OTUD5: variants seen among roughly 807,000 people sequenced by gnomAD.
The protein encoded by OTUD5 is OTU deubiquitinase 5.
A neutral mutation model predicts 36.3 loss-of-function variants in OTUD5; 2 were observed. That is an observed-to-expected ratio of 0.06 (90% CI 0.02 to 0.17). OTUD5 has a LOEUF of 0.17. Among genes scored for constraint, OTUD5 ranks in the 10% least tolerant of loss-of-function variants. The pLI is 1.00. For synonymous variants in OTUD5, 234 were observed against 214.9 expected (o/e 1.09, Z -0.78); for missense variants, 233 against 512.3 (o/e 0.45, Z 5.26).
rs1475092896 is a variant in OTUD5 at position 48,942,280 on chromosome X, C to CACACACAG, written c.688+1909_688+1910insCTGTGTGT. Among the ~76,000 whole-genome samples the CACACACAG allele has an allele frequency of 4.2e-4, 38 of 91,129 alleles. 1 individual carries two copies. Among genetic ancestry groups the CACACACAG allele is most frequent in the Non-Finnish European group, 6.0e-4 (28 of 46,794 alleles). 79.1% of individuals were successfully genotyped at this position (91,129 alleles called of 115,157 possible). ...ACACACACACACACACACACACACA[C>CACACACAG]AGAGAACAGCTAGCTAGATACACAC... On this transcript the variant is annotated intron_variant, in intron 2 of 8. Coordinates refer to ENST00000376488, the MANE Select transcript of OTUD5 (RefSeq NM_001136157.2).
intron 1 of OTUD5, among the ~76,000 whole-genome samples, chrX:48,950,976 A>G (rs782617426): frequency 9.0e-6 from 1 of 110,942 alleles, no homozygotes; most frequent in African/African-American, 3.3e-5. Flanking sequence ...AGTGCCTCAC[A>G]GGTGTGAGAC....
chrX:48,940,301 G>A (rs182720666), intron 2 of OTUD5: 183 of 113,946 alleles, frequency 1.6e-3, no homozygotes, highest in African/African-American at 5.0e-3. Context: ...AAGGAAGCTG[G>A]TGTACAGGAA....
At position 48,922,879 on chromosome X, in the gene OTUD5, T is replaced by C. The variant is rs781941979; in HGVS notation, c.*295A>G. On this transcript the variant is annotated 3_prime_UTR_variant, in exon 9 of 9. Coordinates refer to ENST00000376488, the MANE Select transcript of OTUD5 (RefSeq NM_001136157.2). ...CAGTTGGTCTGTCTCTGTGTGCCTC[T>C]TGTCTATCTTCGGCACCCTTGCCCG... 13 of 917,652 alleles carry C rather than the reference T, an allele frequency of 1.4e-5. No homozygotes were observed. In the African/African-American group the frequency reaches 2.7e-4, roughly 19 times the overall value. The allele number at this position is 917,652 out of a possible 1,213,427, so 75.6% of individuals were successfully genotyped here. A position where few individuals can be genotyped will look rare whatever the true frequency, so the allele number is the denominator to read the frequency against.
At chrX:48,956,910 T>C in intron 1 of OTUD5, 67 bp downstream of exon 1, 1 of 1,036,531 alleles carries the variant, frequency 9.6e-7, no homozygotes, top group Non-Finnish European at 1.3e-6. Context: ...CAGCCTTCCT[T>C]GAGTCCCTTC....
In OTUD5 at chrX:48,957,425, T is replaced by TCGCCGCCGCCCACGCCCGTGC. The variant is rs1447498742; in HGVS notation, c.125_145dup (p.Gly42_Gly48dup). 7.5e-6 allele frequency: 8 copies of TCGCCGCCGCCCACGCCCGTGC among 1,060,833 alleles called. No individual in the cohort carries two copies. Among genetic ancestry groups the TCGCCGCCGCCCACGCCCGTGC allele is most frequent in the Non-Finnish European group, 9.7e-6 (8 of 825,735 alleles). 87.4% of individuals were successfully genotyped at this position (1,060,833 alleles called of 1,213,427 possible). A position where few individuals can be genotyped will look rare whatever the true frequency, so the allele number is the denominator to read the frequency against. On this transcript the variant is annotated inframe_insertion, in exon 1 of 9. Transcript: ENST00000376488. ...CACGACGCCGGAGTCACGGTCGCGA[T>TCGCCGCCGCCCACGCCCGTGC]CGCCGCCGCCCACGCCCGTGCCGCC...
At chrX:48,934,353 C>A in intron 5 of OTUD5, 111 bp downstream of exon 5, 1 of 554,701 alleles carries the variant, frequency 1.8e-6, no homozygotes, top group Non-Finnish European at 2.9e-6. Flanking sequence ...GGTGAGACCT[C>A]AGGGGAGAGA....
At chrX:48,955,351 T>G (rs1411899015) in intron 1 of OTUD5, among the ~76,000 whole-genome samples, 1 of 111,102 alleles carries the variant, frequency 9.0e-6, no homozygotes, top group African/African-American at 3.3e-5. Context: ...CCCTTGGAGG[T>G]AGACTCAGGA....
In OTUD5 at chrX:48,957,412, G is replaced by A; in HGVS notation, c.159C>T (p.Asp53=). The A allele has an allele frequency of 9.2e-7, 1 of 1,082,518 alleles. No individual in the cohort carries two copies. Among genetic ancestry groups the A allele is most frequent in the Non-Finnish European group, 1.2e-6 (1 of 837,609 alleles). The allele number at this position is 1,082,518 out of a possible 1,213,427, so 89.2% of individuals were successfully genotyped here. Residue 53 remains aspartate (D), a synonymous_variant, in exon 1 of 9, where the codon GAC becomes GAT. Coordinates refer to ENST00000376488, the MANE Select transcript of OTUD5 (RefSeq NM_001136157.2). ...TGVGGGDRDR[D]SGVVGARPRA... is the part of the protein sequence containing the mutation. Reference sequence around the variant, plus strand: ...GCGGACGGGCCCCCACGACGCCGGAGTCACGGTCGCGATCGCCGCCGCCCA... The same window carrying A: ...GCGGACGGGCCCCCACGACGCCGGAATCACGGTCGCGATCGCCGCCGCCCA...
At chrX:48,935,571 A>G (rs1557049769) in intron 2 of OTUD5, among the ~76,000 whole-genome samples, 1 of 111,444 alleles carries the variant, frequency 9.0e-6, no homozygotes, top group East Asian at 2.8e-4. Flanking sequence ...GCCAGATACT[A>G]GAGAGTTGAG....
At chrX:48,949,649 G>A (rs896303868) in intron 1 of OTUD5, among the ~76,000 whole-genome samples, 1 of 111,307 alleles carries the variant, frequency 9.0e-6, no homozygotes, top group Non-Finnish European at 1.9e-5. Context: ...CTGCACTCCA[G>A]CCTGGGTGAC....
intron 1 of OTUD5, among the ~76,000 whole-genome samples, chrX:48,948,429 G>C (rs1213451134): frequency 8.9e-6 from 1 of 112,469 alleles, no homozygotes; most frequent in Non-Finnish European, 1.9e-5. Context: ...TTGGATACCA[G>C]CAAAGCCTAG....
chrX:48,930,824 T>C (rs1281547447), intron 5 of OTUD5, among the ~76,000 whole-genome samples: 1 of 110,447 alleles, frequency 9.1e-6, no homozygotes, highest in African/African-American at 3.3e-5. Context: ...CAGCTGGGTG[T>C]GGTGGCGCAT....
intron 2 of OTUD5, among the ~76,000 whole-genome samples, chrX:48,939,228 C>T (rs1343647319): frequency 9.0e-6 from 1 of 110,618 alleles, no homozygotes; most frequent in African/African-American, 3.3e-5. Flanking sequence ...CCCAATCCAG[C>T]CACCATCTTA....
intron 5 of OTUD5, 126 bp downstream of exon 5, chrX:48,934,338 G>A (rs1267668897): frequency 3.7e-6 from 1 of 273,806 alleles, no homozygotes; most frequent in Non-Finnish European, 5.8e-6. Context: ...TTTTTTTTTT[G>A]TAAGGGTGAG....
chrX:48,957,491 G>A lies in OTUD5; in HGVS notation c.80C>T (p.Pro27Leu). The A allele has an allele frequency of 1.2e-6, 1 of 841,485 alleles. No homozygotes were observed. Among genetic ancestry groups the A allele is most frequent in the Non-Finnish European group, 1.5e-6 (1 of 688,001 alleles). The allele number at this position is 841,485 out of a possible 1,213,427, so 69.3% of individuals were successfully genotyped here. Residue 27 changes from proline to leucine, a missense_variant, in exon 1 of 9, where the codon CCC (proline) becomes CTC (leucine). Pro to Leu is a moderately conservative substitution (Grantham distance 98). This residue lies in a region of OTUD5 where 155 missense variants were observed against 217.2 expected (regional missense o/e 0.71). Coordinates refer to ENST00000376488, the MANE Select transcript of OTUD5 (RefSeq NM_001136157.2). ...ANEPPPPGPMPPAPRRGGGVG... is the reference protein window; with the variant it reads ...ANEPPPPGPMLPAPRRGGGVG... ...ACCTCCGCCGCGCCGCGGCGCCGGGGGCATCGGCCCGGGCGGCGGCGGCTC... is the reference window on the plus strand; with the variant it reads ...ACCTCCGCCGCGCCGCGGCGCCGGGAGCATCGGCCCGGGCGGCGGCGGCTC...
intron 1 of OTUD5, among the ~76,000 whole-genome samples, chrX:48,956,751 A>G (rs782232858): frequency 9.0e-6 from 1 of 111,268 alleles, no homozygotes; most frequent in East Asian, 2.8e-4. Context: ...ACCTTAAAAG[A>G]GACCTCGGAT....
intron 5 of OTUD5, among the ~76,000 whole-genome samples, chrX:48,929,549 C>T (rs1018409083): frequency 1.9e-5 from 2 of 107,441 alleles, no homozygotes; most frequent in Non-Finnish European, 3.8e-5. Context: ...GATGAAACCC[C>T]GTCTCTACTA....
intron 1 of OTUD5, 67 bp downstream of exon 1, chrX:48,956,910 T>G: frequency 1.4e-5 from 15 of 1,036,448 alleles, no homozygotes; most frequent in Non-Finnish European, 1.9e-5. Flanking sequence ...CAGCCTTCCT[T>G]GAGTCCCTTC....
At chrX:48,954,407 G>A (rs1431935783) in intron 1 of OTUD5, among the ~76,000 whole-genome samples, 2 of 111,154 alleles carry the variant, frequency 1.8e-5, no homozygotes, top group African/African-American at 6.6e-5. Flanking sequence ...GAGTAAGGAG[G>A]TGTTTTTGAA....
Sources: allele counts gnomAD v4.1 joint callset (sites outside exome capture counted in the v4.1 genomes callset), GRCh38; gene constraint gnomAD v4.1.1; regional missense constraint gnomAD v4.1.1; transcripts MANE v1.5; gene names NCBI Gene and HGNC (gene_info 2026-07-23, HGNC 2026-07-21).